Variants in HS3ST4 observed in about 807,000 individuals in gnomAD.
HS3ST4 encodes heparan sulfate-glucosamine 3-sulfotransferase 4.
HS3ST4 carries 17 observed loss-of-function variants against 29.2 expected under a neutral mutation model. That is an observed-to-expected ratio of 0.58 (90% CI 0.40 to 0.87). HS3ST4 has a LOEUF of 0.87. Among genes scored for constraint, HS3ST4 ranks in the 40% least tolerant of loss-of-function variants. The probability of loss-of-function intolerance (pLI) is 0.00; values close to 1 mark genes in which losing one functional copy is unlikely to be tolerated. For missense variants in HS3ST4, 627 were observed against 634.5 expected (o/e 0.99, Z 0.13); for synonymous variants, 314 against 285.7 (o/e 1.10, Z -1.00).
rs1433440859 is a variant in HS3ST4, at chr16:25,692,103, C to G, written c.-315C>G. ...GGAAGCGGGGGCGCTGCAGACGGAG[C>G]AGGTGCCGCCGGCGGGTCCGCGCGC... On this transcript the variant is annotated 5_prime_UTR_variant, in exon 1 of 2. Coordinates refer to ENST00000331351, the MANE Select transcript of HS3ST4 (RefSeq NM_006040.3). The G allele has an allele frequency of 6.6e-6, 1 of 150,414 alleles. No individual in the cohort carries two copies. Among genetic ancestry groups the G allele is most frequent in the East Asian group, 2.0e-4 (1 of 4,994 alleles). The allele number at this position is 150,414 out of a possible 1,614,324, so 9.3% of individuals were successfully genotyped here.
chr16:26,128,951 C>T (rs1899382181), intron 1 of HS3ST4, among the ~76,000 whole-genome samples: 1 of 152,162 alleles, frequency 6.6e-6, no homozygotes. Flanking sequence ...CTAATTTATG[C>T]ACCATTTGTT....
chr16:25,915,069 G>A (rs1474990989), intron 1 of HS3ST4, among the ~76,000 whole-genome samples: 1 of 152,116 alleles, frequency 6.6e-6, no homozygotes, highest in Non-Finnish European at 1.5e-5. Flanking sequence ...ATTCACTCAG[G>A]TCCCTGATCG....
intron 1 of HS3ST4, among the ~76,000 whole-genome samples, chr16:25,823,818 T>C (rs1967187916): frequency 6.6e-6 from 1 of 152,190 alleles, no homozygotes. Context: ...CCTGCCTTGG[T>C]CTCTCAAAGT....
chr16:25,717,458 C>T (rs1431708239), intron 1 of HS3ST4, among the ~76,000 whole-genome samples: 3 of 151,410 alleles, frequency 2.0e-5, no homozygotes, highest in Non-Finnish European at 4.4e-5. Flanking sequence ...GGAGATTCCT[C>T]TGAATAAGTG....
In HS3ST4 at chr16:26,135,933, C is replaced by T. The variant is rs763501744; in HGVS notation, c.1056C>T (p.Ile352=). 6.6e-5 allele frequency: 106 copies of T among 1,613,854 alleles called. No individual in the cohort carries two copies. The highest frequency in any genetic ancestry group is 1.6e-4 in the Middle Eastern group (1 of 6,082). ...TCCAGTATTTCCCCCTCTCCCAGATCCTCTTTGTCAGTGGTGAGCGACTCA... is the reference window on the plus strand; with the variant it reads ...TCCAGTATTTCCCCCTCTCCCAGATTCTCTTTGTCAGTGGTGAGCGACTCA... ...NWLQYFPLSQ[I]LFVSGERLIV... Residue 352 remains isoleucine, a synonymous_variant, in exon 2 of 2, where the codon ATC becomes ATT. Transcript: ENST00000331351.
At chr16:26,118,781 T>C (rs373891145) in intron 1 of HS3ST4, among the ~76,000 whole-genome samples, 2 of 152,196 alleles carry the variant, frequency 1.3e-5, no homozygotes, top group Non-Finnish European at 2.9e-5. Context: ...TGTGGAGTAT[T>C]TGGGGACACA....
chr16:25,725,268 C>T (rs1966526045), intron 1 of HS3ST4, among the ~76,000 whole-genome samples: 1 of 152,040 alleles, frequency 6.6e-6, no homozygotes, highest in Non-Finnish European at 1.5e-5. Context: ...ATTCTGTCAC[C>T]ATTGACTTGC....
At chr16:25,893,911 C>T (rs1968034962) in intron 1 of HS3ST4, among the ~76,000 whole-genome samples, 1 of 152,192 alleles carries the variant, frequency 6.6e-6, no homozygotes, top group African/African-American at 2.4e-5. Context: ...CTCTACCTTG[C>T]CTTCTTCACT....
rs1274268239 is a variant in HS3ST4 at position 26,135,696 on chromosome 16, C to T, written c.819C>T (p.Arg273=). The part of the protein sequence containing the change: ...SYFVTNEAPK[R]IHSMAKDIKL... ...TTGTGACAAATGAGGCTCCCAAGCGCATTCACTCCATGGCCAAGGACATCA... is the reference window on the plus strand; with the variant it reads ...TTGTGACAAATGAGGCTCCCAAGCGTATTCACTCCATGGCCAAGGACATCA... Residue 273 remains arginine (R), a synonymous_variant, in exon 2 of 2, where the codon CGC becomes CGT. Transcript: ENST00000331351. 2 of 1,613,918 alleles carry T rather than the reference C, an allele frequency of 1.2e-6. No individual in the cohort carries two copies. Among genetic ancestry groups the T allele is most frequent in the Admixed American group, 1.7e-5 (1 of 60,008 alleles).
chr16:26,062,372 G>A (rs927511896), intron 1 of HS3ST4, among the ~76,000 whole-genome samples: 1 of 152,162 alleles, frequency 6.6e-6, no homozygotes, highest in African/African-American at 2.4e-5. Flanking sequence ...CACTGTGATT[G>A]GGGCACATTA....
intron 1 of HS3ST4, among the ~76,000 whole-genome samples, chr16:25,888,419 A>T (rs1298783385): frequency 6.6e-6 from 1 of 152,094 alleles, no homozygotes. Flanking sequence ...TTGTGATAAG[A>T]TAGTTTTCAG....
chr16:25,864,512 A>C (rs1967673106), intron 1 of HS3ST4, among the ~76,000 whole-genome samples: 1 of 152,098 alleles, frequency 6.6e-6, no homozygotes. Context: ...TGCATAGCTG[A>C]CACTTGGTCC....
intron 1 of HS3ST4, among the ~76,000 whole-genome samples, chr16:26,088,940 C>T (rs1475787007): frequency 6.6e-6 from 1 of 152,144 alleles, no homozygotes; most frequent in Non-Finnish European, 1.5e-5. Context: ...CCAAAATATA[C>T]CTCTCAAATT....
chr16:25,882,648 G>T (rs907916257), intron 1 of HS3ST4, among the ~76,000 whole-genome samples: 1 of 151,980 alleles, frequency 6.6e-6, no homozygotes. Flanking sequence ...TAGATTTTTC[G>T]AGCCACTGTT....
At chr16:26,128,425 T>A (rs1899375119) in intron 1 of HS3ST4, among the ~76,000 whole-genome samples, 1 of 152,218 alleles carries the variant, frequency 6.6e-6, no homozygotes, top group Non-Finnish European at 1.5e-5. Context: ...AAGTCCCTGT[T>A]CTTACTTAAT....
intron 1 of HS3ST4, among the ~76,000 whole-genome samples, chr16:25,934,871 G>C (rs12933030): frequency 0.55 from 82,965 of 151,878 alleles, 23,413 homozygotes; most frequent in African/African-American, 0.61. Flanking sequence ...CCCTGCCCCC[G>C]CAACCACGCA....
intron 1 of HS3ST4, among the ~76,000 whole-genome samples, chr16:25,956,780 T>C (rs760997350): frequency 4.9e-4 from 74 of 151,970 alleles, no homozygotes; most frequent in South Asian, 2.1e-4. Flanking sequence ...GGGCACATCA[T>C]GAGGTCAGGA....
intron 1 of HS3ST4, among the ~76,000 whole-genome samples, chr16:26,067,718 G>A (rs1055927969): frequency 5.9e-5 from 9 of 152,158 alleles, no homozygotes; most frequent in Non-Finnish European, 1.3e-4. Flanking sequence ...CCCAAATCTG[G>A]AACTGTAGCT....
intron 1 of HS3ST4, chr16:26,025,332 T>A (rs1162391943): frequency 1.9e-5 from 3 of 154,440 alleles, no homozygotes; most frequent in Non-Finnish European, 1.5e-5. Context: ...TTGCCAAGTC[T>A]CCTTGCACTT....
Sources: allele counts gnomAD v4.1 joint callset (sites outside exome capture counted in the v4.1 genomes callset), GRCh38; gene constraint gnomAD v4.1.1; transcripts MANE v1.5; gene names NCBI Gene and HGNC (gene_info 2026-07-23, HGNC 2026-07-21).